GPC5: variants seen among roughly 807,000 people sequenced by gnomAD.
The protein encoded by GPC5 is glypican-5.
A neutral mutation model predicts 53.9 loss-of-function variants in GPC5; 47 were observed. The ratio of observed to expected loss-of-function variants is 0.87; its 90% confidence interval spans 0.69 to 1.11. The LOEUF (loss-of-function observed/expected upper bound fraction) is 1.11. Among genes scored for constraint, GPC5 ranks in the 50% most tolerant of loss-of-function variants. The probability of loss-of-function intolerance (pLI) is 0.00; values close to 1 mark genes in which losing one functional copy is unlikely to be tolerated. For synonymous variants in GPC5, 286 were observed against 263.3 expected (o/e 1.09, Z -0.84); for missense variants, 748 against 713.1 (o/e 1.05, Z -0.56).
At chr13:91,976,811 A>T (rs2040306916) in intron 6 of GPC5, among the ~76,000 whole-genome samples, 1 of 152,066 alleles carries the variant, frequency 6.6e-6, no homozygotes, top group South Asian at 2.1e-4. Context: ...AGGCTGTGGC[A>T]GGCGAAACAC....
At chr13:92,296,265 T>C (rs892583266) in intron 7 of GPC5, among the ~76,000 whole-genome samples, 1 of 152,102 alleles carries the variant, frequency 6.6e-6, no homozygotes, top group African/African-American at 2.4e-5. Context: ...GGTGGCATTT[T>C]CCAGAGAGCA....
intron 5 of GPC5, among the ~76,000 whole-genome samples, chr13:91,767,545 C>T (rs1035684490): frequency 9.2e-5 from 14 of 152,130 alleles, no homozygotes; most frequent in Non-Finnish European, 1.5e-4. Flanking sequence ...TTGGGTGACA[C>T]GGCAATTTCA....
intron 7 of GPC5, among the ~76,000 whole-genome samples, chr13:92,429,088 A>G (rs1002864467): frequency 2.6e-5 from 4 of 152,148 alleles, no homozygotes; most frequent in African/African-American, 4.8e-5. Flanking sequence ...TGAAAAAATT[A>G]AAGTCAAAGG....
At chr13:91,724,318 A>C (rs2036533672) in intron 3 of GPC5, among the ~76,000 whole-genome samples, 1 of 152,134 alleles carries the variant, frequency 6.6e-6, no homozygotes, top group Admixed American at 6.5e-5. Context: ...CTCTCTGTTA[A>C]CACCAAGCAT....
At chr13:91,618,410 C>T (rs2033757346) in intron 2 of GPC5, among the ~76,000 whole-genome samples, 1 of 152,038 alleles carries the variant, frequency 6.6e-6, no homozygotes. Flanking sequence ...GCCAGTTCCC[C>T]ATCATCAATA....
In GPC5 at chr13:91,430,630, G is replaced by A. The variant is rs936463161; in HGVS notation, c.164-18131G>A. Among the ~76,000 whole-genome samples the A allele has an allele frequency of 6.6e-5, 10 of 152,224 alleles. 1 individual carries two copies. The highest frequency in any genetic ancestry group is 1.4e-4 in the African/African-American group (6 of 41,530). On this transcript the variant is annotated intron_variant, in intron 1 of 7. Coordinates refer to ENST00000377067, the MANE Select transcript of GPC5 (RefSeq NM_004466.6). ...AAGCAAAATCTGTGGGTGGAGAGGC[G>A]GAGAGGAAGAAGCCTTCTGTAAAAC...
intron 7 of GPC5, among the ~76,000 whole-genome samples, chr13:92,394,546 C>T (rs1476120028): frequency 1.3e-5 from 2 of 152,126 alleles, no homozygotes; most frequent in African/African-American, 4.8e-5. Flanking sequence ...CAAGCTGGAA[C>T]CCTGATCTCA....
intron 2 of GPC5, among the ~76,000 whole-genome samples, chr13:91,599,082 A>C (rs1489547346): frequency 6.6e-6 from 1 of 152,044 alleles, no homozygotes; most frequent in South Asian, 2.1e-4. Flanking sequence ...GTGGTTTTTG[A>C]TGACATGGAT....
intron 7 of GPC5, among the ~76,000 whole-genome samples, chr13:92,425,755 T>C (rs1876804322): frequency 6.6e-6 from 1 of 152,144 alleles, no homozygotes; most frequent in Non-Finnish European, 1.5e-5. Context: ...TAATTGTTCA[T>C]TTCATTTCCC....
chr13:92,583,673 C>G (rs1883440440), intron 7 of GPC5, among the ~76,000 whole-genome samples: 1 of 152,184 alleles, frequency 6.6e-6, no homozygotes, highest in African/African-American at 2.4e-5. Flanking sequence ...CTGAGGTCAC[C>G]AGGCAAGAAG....
At chr13:91,671,780 CAAAA>C (rs55758033) in intron 2 of GPC5, among the ~76,000 whole-genome samples, 15 of 33,118 alleles carry the variant, frequency 4.5e-4, no homozygotes, top group African/African-American at 8.7e-4. Flanking sequence ...CAATCTGAAG[CAAAA>C]AAAAAAAAAA....
In GPC5 at chr13:92,573,282, G is replaced by A. The variant is rs149210958; in HGVS notation, c.1562-293000G>A. On this transcript the variant is annotated intron_variant, in intron 7 of 7. Transcript: ENST00000377067. ...GGTATTTAACTCAAAAGCATATAGT[G>A]AGCATTTAATAGGTTCATGAATCTA... Among the ~76,000 whole-genome samples, 200 of 152,208 alleles carry A rather than the reference G, an allele frequency of 1.3e-3. 2 individuals are homozygous for A. Among genetic ancestry groups the A allele is most frequent in the Non-Finnish European group, 2.3e-3 (158 of 68,008 alleles).
chr13:92,294,907 A>G (rs1306259197), intron 7 of GPC5, among the ~76,000 whole-genome samples: 1 of 143,062 alleles, frequency 7.0e-6, no homozygotes, highest in African/African-American at 2.6e-5. Flanking sequence ...TTGGCTCACT[A>G]CAACCTCTGC....
intron 6 of GPC5, among the ~76,000 whole-genome samples, chr13:92,020,422 T>C (rs2040747548): frequency 6.6e-6 from 1 of 152,138 alleles, no homozygotes; most frequent in Admixed American, 6.6e-5. Context: ...GTTACACCAA[T>C]TTACATTCTC....
At chr13:92,520,722 A>T (rs1384415325) in intron 7 of GPC5, among the ~76,000 whole-genome samples, 1 of 152,162 alleles carries the variant, frequency 6.6e-6, no homozygotes, top group Non-Finnish European at 1.5e-5. Context: ...AACTGGCACA[A>T]GACAGGGATG....
intron 7 of GPC5, among the ~76,000 whole-genome samples, chr13:92,344,448 A>G (rs2043393317): frequency 6.6e-6 from 1 of 152,198 alleles, no homozygotes; most frequent in African/African-American, 2.4e-5. Context: ...CTGCAGAATT[A>G]GAAGGCCACC....
intron 6 of GPC5, among the ~76,000 whole-genome samples, chr13:92,032,137 C>G (rs777888445): frequency 3.4e-5 from 5 of 146,878 alleles, no homozygotes; most frequent in Non-Finnish European, 7.4e-5. Context: ...TCACAGCAAC[C>G]TGGATGGAAC....
chr13:92,726,092 G>T (rs1373018572), intron 7 of GPC5, among the ~76,000 whole-genome samples: 1 of 151,432 alleles, frequency 6.6e-6, no homozygotes, highest in Non-Finnish European at 1.5e-5. Flanking sequence ...TCACCAAAGA[G>T]CTAAAGAGTA....
chr13:92,067,072 C>G (rs1210033628), intron 6 of GPC5, among the ~76,000 whole-genome samples: 1 of 152,002 alleles, frequency 6.6e-6, no homozygotes, highest in Non-Finnish European at 1.5e-5. Context: ...CTGTTTGTAA[C>G]CACTGTTGCT....
Sources: allele counts gnomAD v4.1 joint callset (sites outside exome capture counted in the v4.1 genomes callset), GRCh38; gene constraint gnomAD v4.1.1; transcripts MANE v1.5; gene names NCBI Gene and HGNC (gene_info 2026-07-23, HGNC 2026-07-21).